PDE4D: variants seen among roughly 807,000 people sequenced by gnomAD.
PDE4D encodes the protein phosphodiesterase 4D, also known as 3',5'-cyclic-AMP phosphodiesterase 4D.
A neutral mutation model predicts 87.4 loss-of-function variants in PDE4D; 24 were observed. That is an observed-to-expected ratio of 0.27 (90% CI 0.20 to 0.39). The LOEUF (loss-of-function observed/expected upper bound fraction) is 0.39, where lower values mean the gene tolerates loss of function less well. Ranked by LOEUF, PDE4D falls within the 10% of genes least tolerant of loss-of-function variation. PDE4D has a pLI of 1.00. For missense variants in PDE4D, 714 were observed against 1,041.0 expected, an observed-to-expected ratio of 0.69 and a Z score of 4.32; for synonymous variants, 384 against 383.2, an observed-to-expected ratio of 1.00 and a Z score of -0.02.
At chr5:60,480,592 C>T (rs1247028388) in intron 1 of PDE4D, among the ~76,000 whole-genome samples, 1 of 152,058 alleles carries the variant, frequency 6.6e-6, no homozygotes, top group Non-Finnish European at 1.5e-5. Flanking sequence ...TGGGTTGATG[C>T]AAAAGTAATT....
intron 2 of PDE4D, among the ~76,000 whole-genome samples, chr5:60,145,554 T>G (rs1293018699): frequency 1.3e-5 from 2 of 152,220 alleles, no homozygotes; most frequent in East Asian, 1.9e-4. Flanking sequence ...CAACCTTGTT[T>G]CAGTTGATAA....
chr5:59,332,976 C>T (rs1171681704), intron 1 of PDE4D, among the ~76,000 whole-genome samples: 1 of 152,198 alleles, frequency 6.6e-6, no homozygotes, highest in African/African-American at 2.4e-5. Flanking sequence ...ACAGCTGAAA[C>T]ACCTCCGGTG....
At chr5:60,271,570 C>T (rs1750813694) in intron 1 of PDE4D, among the ~76,000 whole-genome samples, 1 of 152,088 alleles carries the variant, frequency 6.6e-6, no homozygotes, top group Admixed American at 6.5e-5. Flanking sequence ...GTGTAATCCC[C>T]ACCAAAGAAA....
intron 1 of PDE4D, among the ~76,000 whole-genome samples, chr5:60,311,949 AG>A (rs1755075209): frequency 2.0e-5 from 3 of 152,226 alleles, no homozygotes; most frequent in African/African-American, 7.2e-5. Context: ...CAAAAAGACA[AG>A]GGCATTACAT....
intron 5 of PDE4D, among the ~76,000 whole-genome samples, chr5:59,062,703 G>GTTTTT (rs34248179): frequency 2.9e-5 from 4 of 137,672 alleles, no homozygotes; most frequent in Non-Finnish European, 3.1e-5. Context: ...AATGCATGTG[G>GTTTTT]TTTTTTTTTT....
chr5:59,730,222 C>T (rs2150599346), intron 1 of PDE4D, among the ~76,000 whole-genome samples: 1 of 152,170 alleles, frequency 6.6e-6, no homozygotes, highest in South Asian at 2.1e-4. Flanking sequence ...AATCCTTTAT[C>T]ACTGAGAAGA....
chr5:59,011,170 T>C (rs112899071), intron 6 of PDE4D, among the ~76,000 whole-genome samples: 1 of 152,024 alleles, frequency 6.6e-6, no homozygotes, highest in Non-Finnish European at 1.5e-5. Context: ...CAAAGGTAGA[T>C]AAAACCACAA....
At chr5:59,276,122 G>C in intron 1 of PDE4D, 1 of 853,184 alleles carries the variant, frequency 1.2e-6, no homozygotes, top group Non-Finnish European at 1.4e-6. Context: ...AGTGAGAAAG[G>C]AAAAAAAAAA....
At chr5:59,561,187 G>A (rs1473403101) in intron 1 of PDE4D, among the ~76,000 whole-genome samples, 1 of 152,154 alleles carries the variant, frequency 6.6e-6, no homozygotes, top group East Asian at 1.9e-4. Flanking sequence ...CATGGTGAAG[G>A]TAGACACCTG....
intron 1 of PDE4D, chr5:59,587,084 T>C: frequency 4.2e-6 from 3 of 710,252 alleles, no homozygotes; most frequent in Non-Finnish European, 3.5e-6. Context: ...TACCATTAAC[T>C]ACCATCATGA....
At chr5:59,782,824 G>A (rs1354703898) in intron 1 of PDE4D, among the ~76,000 whole-genome samples, 1 of 152,136 alleles carries the variant, frequency 6.6e-6, no homozygotes, top group Admixed American at 6.5e-5. Context: ...AGACTTGTGG[G>A]AATAAAGACC....
At chr5:60,005,992 A>T (rs944825174) in intron 2 of PDE4D, among the ~76,000 whole-genome samples, 3 of 152,036 alleles carry the variant, frequency 2.0e-5, no homozygotes, top group Admixed American at 2.0e-4. Context: ...GCTACATTTG[A>T]TAATAAGAAA....
intron 11 of PDE4D, among the ~76,000 whole-genome samples, chr5:58,978,160 G>A (rs1744251875): frequency 1.3e-5 from 2 of 152,134 alleles, no homozygotes; most frequent in African/African-American, 2.4e-5. Context: ...CTTAATCACT[G>A]TAAAGACTAA....
intron 1 of PDE4D, among the ~76,000 whole-genome samples, chr5:59,564,221 C>G (rs1820521997): frequency 6.6e-6 from 1 of 152,142 alleles, no homozygotes; most frequent in South Asian, 2.1e-4. Flanking sequence ...ATACTTGGTA[C>G]AAGGTACACA....
chr5:59,710,410 T>C (rs1337280264), intron 1 of PDE4D, among the ~76,000 whole-genome samples: 1 of 152,170 alleles, frequency 6.6e-6, no homozygotes, highest in Non-Finnish European at 1.5e-5. Flanking sequence ...AATGTGGGGA[T>C]TCATGAAGAT....
chr5:59,811,620 C>A (rs1399169737), intron 1 of PDE4D, among the ~76,000 whole-genome samples: 1 of 152,190 alleles, frequency 6.6e-6, no homozygotes, highest in African/African-American at 2.4e-5. Context: ...AGCCTCTCTG[C>A]CTTCGAGAAT....
At chr5:60,304,401 T>C (rs1204501916) in intron 1 of PDE4D, among the ~76,000 whole-genome samples, 1 of 150,738 alleles carries the variant, frequency 6.6e-6, no homozygotes, top group Non-Finnish European at 1.5e-5. Context: ...ATCCCAGCAC[T>C]TTGGGAGGCC....
chr5:60,322,773 T>C (rs1022718412), intron 1 of PDE4D, among the ~76,000 whole-genome samples: 6 of 152,208 alleles, frequency 3.9e-5, no homozygotes, highest in African/African-American at 1.4e-4. Context: ...TCTTCTCTTC[T>C]TATAAGTTTT....
chr5:59,632,589 A>G (rs1831712739), intron 1 of PDE4D, among the ~76,000 whole-genome samples: 1 of 152,190 alleles, frequency 6.6e-6, no homozygotes, highest in African/African-American at 2.4e-5. Context: ...TGCTAGTGAT[A>G]CCCAGGCAAA....
Sources: gnomAD v4.1 joint callset for allele counts (sites outside exome capture counted in the v4.1 genomes callset) on GRCh38, gnomAD v4.1.1 for gene constraint, MANE v1.5 for transcripts, NCBI Gene and HGNC (gene_info 2026-07-23, HGNC 2026-07-21) for gene names.